GTPBP1: variants seen among roughly 807,000 people sequenced by gnomAD.
The protein encoded by GTPBP1 is GTP-binding protein 1.
In GTPBP1, 23 loss-of-function variants were observed where a neutral mutation model predicts 62.0. The observed-to-expected ratio is 0.37, with a 90% CI of 0.27 to 0.53. GTPBP1 has a LOEUF of 0.53. Ranked by LOEUF, GTPBP1 falls within the 20% of genes least tolerant of loss-of-function variation. The pLI, the probability that GTPBP1 is intolerant of heterozygous loss-of-function variation, is 0.89. For missense variants in GTPBP1, 640 were observed against 917.3 expected, an observed-to-expected ratio of 0.70 and a Z score of 3.90; for synonymous variants, 344 against 364.4, an observed-to-expected ratio of 0.94 and a Z score of 0.64.
At chr22:38,737,812 G>C, downstream of GTPBP1, 1 of 466,586 alleles carries the variant, frequency 2.1e-6, no homozygotes, top group Non-Finnish European at 4.2e-6. The surrounding 1 kb of genome is among the most constrained non-coding windows in gnomAD (Gnocchi z 4.1). Context: ...TGCACTGCCT[G>C]AGGCTCCAGC....
chr22:38,740,970 G>A (rs1344827280), downstream of GTPBP1: 2 of 1,572,022 alleles, frequency 1.3e-6, no homozygotes, highest in South Asian at 1.2e-5. The surrounding 1 kb of genome is among the most constrained non-coding windows in gnomAD (Gnocchi z 4.8). Flanking sequence ...TGGGGCTGGG[G>A]AGGAGCAGGC....
downstream of GTPBP1, chr22:38,734,017 C>T: frequency 4.1e-6 from 1 of 246,398 alleles, no homozygotes; most frequent in Non-Finnish European, 8.2e-6. Context: ...GAGCACAGGA[C>T]CAGCTGTCTC....
downstream of GTPBP1, among the ~76,000 whole-genome samples, chr22:38,737,333 A>C (rs1603212038): frequency 6.7e-6 from 1 of 148,986 alleles, no homozygotes; most frequent in Admixed American, 6.7e-5. This position sits in a 1 kb window ranked among gnomAD's most constrained non-coding sequence, Gnocchi z 4.1. Flanking sequence ...TCTTCCTCCC[A>C]CCCCATCCAA....
chr22:38,725,551 C>T (rs185978484), intron 6 of GTPBP1: 236 of 158,062 alleles, frequency 1.5e-3, no homozygotes, highest in African/African-American at 5.4e-3. Flanking sequence ...AGGGAGAGTT[C>T]TCTGGTGTGG....
downstream of GTPBP1, chr22:38,741,411 G>T: frequency 7.1e-7 from 1 of 1,409,692 alleles, no homozygotes; most frequent in Non-Finnish European, 1.0e-6. Flanking sequence ...CAGTCCCTTT[G>T]GAAGGGCCGA....
At chr22:38,713,835 T>C (rs1446362364) in intron 2 of GTPBP1, among the ~76,000 whole-genome samples, 1 of 152,212 alleles carries the variant, frequency 6.6e-6, no homozygotes, top group Non-Finnish European at 1.5e-5. Flanking sequence ...AGTTTGGATA[T>C]CAGACTTCTA....
At chr22:38,710,439 A>C (rs1410795412) in intron 2 of GTPBP1, among the ~76,000 whole-genome samples, 2 of 152,176 alleles carry the variant, frequency 1.3e-5, no homozygotes, top group Admixed American at 1.3e-4. Context: ...TTCCTTTGAA[A>C]TATCTTTCGT....
chr22:38,714,588 G>A (rs575223032), intron 2 of GTPBP1, among the ~76,000 whole-genome samples: 159 of 152,124 alleles, frequency 1.0e-3, no homozygotes, highest in African/African-American at 3.7e-3. Flanking sequence ...GTCAACACGC[G>A]TTGATGACTC....
In GTPBP1 at chr22:38,726,487, AG is replaced by A. The variant is rs1356227350; in HGVS notation, c.1401+49del. ...CGCTCCCCTCAGACTCCATCATGCTAGGCTCTTGGCCAGATGCCCTGCTCAC... is the reference window on the plus strand; with the variant it reads ...CGCTCCCCTCAGACTCCATCATGCTAGCTCTTGGCCAGATGCCCTGCTCAC... On this transcript the variant is annotated intron_variant, in intron 8 of 11. Coordinates refer to ENST00000216044, the MANE Select transcript of GTPBP1 (RefSeq NM_004286.5). This position sits in a 1 kb window ranked among gnomAD's most constrained non-coding sequence, Gnocchi z 4.1. The A allele has an allele frequency of 3.9e-6, 6 of 1,534,944 alleles. No homozygotes were observed. The African/African-American group carries it at 8.2e-5, about 21-fold the overall frequency.
At chr22:38,733,957 C>G (rs2092779630), downstream of GTPBP1, among the ~76,000 whole-genome samples, 1 of 152,190 alleles carries the variant, frequency 6.6e-6, no homozygotes, top group Non-Finnish European at 1.5e-5. Context: ...GGGGATGTCT[C>G]CTTTGTTTAG....
chr22:38,729,610 C>T lies in GTPBP1; in HGVS notation c.1865C>T (p.Ala622Val). The T allele has an allele frequency of 2.6e-6, 4 of 1,557,920 alleles. No individual in the cohort carries two copies. The highest frequency in any genetic ancestry group is 3.5e-6 in the Non-Finnish European group (4 of 1,153,928). Residue 622 changes from alanine (A) to valine (V), a missense_variant, in exon 11 of 12, where the codon GCC becomes GTC. Around this residue, in one of 4 missense-constraint regions of GTPBP1, gnomAD observed 117 missense variants for 107.1 expected, o/e 1.09. Transcript: ENST00000216044. ...AVGAPPPGDE[A>V]SSVGAGQPAA... ...GGAGCACCCCCACCTGGAGATGAAGCCTCCTCTGTAGGGGCAGGGCAACCA... is the reference window on the plus strand; with the variant it reads ...GGAGCACCCCCACCTGGAGATGAAGTCTCCTCTGTAGGGGCAGGGCAACCA...
Position 38,727,679 on chromosome 22 carries a change from G to A in GTPBP1, c.1538-304G>A, listed in dbSNP as rs551433680. On this transcript the variant is annotated intron_variant, in intron 9 of 11. Transcript: ENST00000216044. This position sits in a 1 kb window ranked among gnomAD's most constrained non-coding sequence, Gnocchi z 6.5. ...AGTAGATGGGCAAGGATCCTTCCCC[G>A]CAGAAGCCCACAGTCCAGCGAGGAG... Among the ~76,000 whole-genome samples the A allele has an allele frequency of 8.5e-5, 13 of 152,288 alleles. No individual in the cohort carries two copies. Among genetic ancestry groups the A allele is most frequent in the African/African-American group, 3.1e-4 (13 of 41,558 alleles).
intron 1 of GTPBP1, among the ~76,000 whole-genome samples, chr22:38,707,013 C>A (rs56258311): frequency 0.046 from 7,000 of 152,278 alleles, 223 homozygotes; most frequent in Non-Finnish European, 0.065. Flanking sequence ...TCCTGCCCTA[C>A]CATCGAAAGG....
At chr22:38,728,289 C>T (rs1049631875) in intron 10 of GTPBP1, 128 bp downstream of exon 10, 51 of 677,494 alleles carry the variant, frequency 7.5e-5, no homozygotes, top group Admixed American at 5.7e-4. Context: ...GGTGTGGCCT[C>T]GGTGCCATCT....
intron 5 of GTPBP1, chr22:38,723,609 G>T: frequency 1.8e-6 from 1 of 544,666 alleles, no homozygotes; most frequent in Non-Finnish European, 3.3e-6. Context: ...TTTAGTTCTT[G>T]GTCTGAACAC....
chr22:38,726,229 T>C lies in GTPBP1; in HGVS notation c.1219-29T>C, dbSNP rs1237413341. The C allele has an allele frequency of 1.2e-6, 2 of 1,612,860 alleles. No homozygotes were observed. Among genetic ancestry groups the C allele is most frequent in the South Asian group, 2.2e-5 (2 of 90,994 alleles). On this transcript the variant is annotated intron_variant, in intron 7 of 11. Coordinates refer to ENST00000216044, the MANE Select transcript of GTPBP1 (RefSeq NM_004286.5). The surrounding 1 kb of genome is among the most constrained non-coding windows in gnomAD (Gnocchi z 4.1). The stretch of plus-strand genomic sequence containing the variant: ...GGGTGGGTCTGTGCTGGGGATGCAC[T>C]TATGAGGCCAGGGTCTTCTCCTTGG...
At chr22:38,710,727 TCA>T (rs1239917339) in intron 2 of GTPBP1, among the ~76,000 whole-genome samples, 2 of 152,210 alleles carry the variant, frequency 1.3e-5, no homozygotes, top group Non-Finnish European at 2.9e-5. Flanking sequence ...CACTCAAAGA[TCA>T]CTTAATAATT....
chr22:38,715,896 CTT>C lies in GTPBP1; in HGVS notation c.305-10_305-9del. The C allele has an allele frequency of 6.3e-7, 1 of 1,596,554 alleles. No individual in the cohort carries two copies. Among genetic ancestry groups the C allele is most frequent in the South Asian group, 1.1e-5 (1 of 89,482 alleles). On this transcript the variant is annotated splice_polypyrimidine_tract_variant and intron_variant, in intron 2 of 11. Transcript: ENST00000216044. The stretch of plus-strand genomic sequence containing the variant: ...TCCCTCTCCTGCTGATGTCTGGGCT[CTT>C]GTCACCAGATGGGACTGAGTATGGG...
downstream of GTPBP1, chr22:38,740,213 T>C: frequency 6.8e-7 from 1 of 1,480,834 alleles, no homozygotes; most frequent in Non-Finnish European, 9.0e-7. This position sits in a 1 kb window ranked among gnomAD's most constrained non-coding sequence, Gnocchi z 4.8. Flanking sequence ...CCAGGACACG[T>C]CGTCTCAAAG....
Sources: allele counts gnomAD v4.1 joint callset (sites outside exome capture counted in the v4.1 genomes callset), GRCh38; gene constraint gnomAD v4.1.1; regional missense constraint gnomAD v4.1.1; non-coding constraint Gnocchi (gnomAD v3.1); transcripts MANE v1.5; gene names NCBI Gene and HGNC (gene_info 2026-07-23, HGNC 2026-07-21).